Variants in PCIF1 observed in about 807,000 individuals in gnomAD.
PCIF1 encodes mRNA (2'-O-methyladenosine-N(6)-)-methyltransferase.
A neutral mutation model predicts 86.9 loss-of-function variants in PCIF1; 12 were observed. The observed-to-expected ratio is 0.14, with a 90% CI of 0.09 to 0.22. PCIF1 has a LOEUF of 0.22. Ranked by LOEUF, PCIF1 falls within the 10% of genes least tolerant of loss-of-function variation. The pLI, the probability that PCIF1 is intolerant of heterozygous loss-of-function variation, is 1.00. For synonymous variants in PCIF1, 397 were observed against 372.0 expected (o/e 1.07, Z -0.77); for missense variants, 701 against 951.1 (o/e 0.74, Z 3.46).
rs537853204 is a variant in PCIF1 at position 45,940,797 on chromosome 20, C to T, written c.388-12C>T. The T allele has an allele frequency of 1.2e-6, 2 of 1,611,736 alleles. No homozygotes were observed. Among genetic ancestry groups the T allele is most frequent in the Admixed American group, 1.7e-5 (1 of 59,796 alleles). On this transcript the variant is annotated splice_polypyrimidine_tract_variant and intron_variant, in intron 5 of 16. Coordinates refer to ENST00000372409, the MANE Select transcript of PCIF1 (RefSeq NM_022104.4). ...ATCTCCTGACTTGACACCTTTGTGA[C>T]TTTCACTACAGATTGAAATCCCAGT...
chr20:45,947,289 C>T lies in PCIF1; in HGVS notation c.1734C>T (p.Pro578=). The stretch of plus-strand genomic sequence containing the variant: ...GACTGCTTGAGAGCTCACCGGAGCC[C>T]CTGTCCTTCATCGTGTTCATCCCTG... ...FERLLESSPE[P]LSFIVFIPEW... Residue 578 remains proline (P), a synonymous_variant, in exon 16 of 17, where the codon CCC becomes CCT. Coordinates refer to ENST00000372409, the MANE Select transcript of PCIF1 (RefSeq NM_022104.4). This position sits in a 1 kb window ranked among gnomAD's most constrained non-coding sequence, Gnocchi z 5.4. The T allele has an allele frequency of 6.2e-7, 1 of 1,613,730 alleles. No individual in the cohort carries two copies. The highest frequency in any genetic ancestry group is 8.5e-7 in the Non-Finnish European group (1 of 1,179,724).
At chr20:45,945,202 A>C (rs1055656504) in intron 11 of PCIF1, among the ~76,000 whole-genome samples, 172 bp downstream of exon 11, 6 of 152,196 alleles carry the variant, frequency 3.9e-5, no homozygotes, top group Admixed American at 1.3e-4. Flanking sequence ...GGAGAGCCAG[A>C]TGGTGGTGGT....
Position 45,946,258 on chromosome 20 carries a change from A to C in PCIF1, c.1487A>C (p.His496Pro). The change falls in exon 14 of 17, where the codon CAT becomes CCT. Residue 496 changes from histidine to proline, a missense_variant. By Grantham distance (77) the His-to-Pro change is moderately conservative (BLOSUM62 -2). Transcript: ENST00000372409. ...GGCCTGCAGGGATCGCTGCCTGTGC[A>C]TGTCTTTGAGGCCCTCCACCGACTC... is the stretch of plus-strand genomic sequence containing the variant. Reference protein sequence around the residue: ...GTGLQGSLPVHVFEALHRLFG... With the variant: ...GTGLQGSLPVPVFEALHRLFG... 1 of 1,614,158 alleles carries C rather than the reference A, an allele frequency of 6.2e-7. No individual in the cohort carries two copies. Among genetic ancestry groups the C allele is most frequent in the Non-Finnish European group, 8.5e-7 (1 of 1,180,028 alleles).
chr20:45,947,328 C>G lies in PCIF1; in HGVS notation c.1773C>G (p.Pro591=). 1 of 1,614,026 alleles carries G rather than the reference C, an allele frequency of 6.2e-7. No individual in the cohort carries two copies. Among genetic ancestry groups the G allele is most frequent in the South Asian group, 1.1e-5 (1 of 91,082 alleles). ...TGTTCATCCCTGAGTGGCGGGAACC[C>G]CCAACACCAGCGCTCACCCGCATGG... The part of the protein sequence containing the change: ...FIVFIPEWRE[P]PTPALTRMEQ... The change falls in exon 16 of 17, where the codon CCC becomes CCG. Residue 591 remains proline, a synonymous_variant. Transcript: ENST00000372409. The surrounding 1 kb of genome is among the most constrained non-coding windows in gnomAD (Gnocchi z 5.4).
chr20:45,939,553 G>T (rs75381651), intron 4 of PCIF1, among the ~76,000 whole-genome samples: 1 of 152,252 alleles, frequency 6.6e-6, no homozygotes, highest in African/African-American at 2.4e-5. Context: ...GCTGCTGCAC[G>T]GTGGGTGCTG....
At chr20:45,935,054 G>A (rs550265003) in intron 1 of PCIF1, among the ~76,000 whole-genome samples, 14 of 151,904 alleles carry the variant, frequency 9.2e-5, no homozygotes, top group Non-Finnish European at 1.5e-4. Context: ...CACCGCCTTT[G>A]TGTCGGGCTC....
chr20:45,943,590 CA>C lies in PCIF1; in HGVS notation c.906-75del. 1 of 1,427,972 alleles carries C rather than the reference CA, an allele frequency of 7.0e-7. No individual in the cohort carries two copies. Among genetic ancestry groups the C allele is most frequent in the Non-Finnish European group, 9.6e-7 (1 of 1,038,108 alleles). The allele number at this position is 1,427,972 out of a possible 1,614,324, so 88.5% of individuals were successfully genotyped here. A position where few individuals can be genotyped will look rare whatever the true frequency, so the allele number is the denominator to read the frequency against. On this transcript the variant is annotated intron_variant, in intron 9 of 16. Transcript: ENST00000372409. This position sits in a 1 kb window ranked among gnomAD's most constrained non-coding sequence, Gnocchi z 5.5. The stretch of plus-strand genomic sequence containing the variant: ...GTGATGGAAGCTAGGGGTTGATACC[CA>C]GCGAGCCCATGGAATTGGGATGAGG...
At chr20:45,939,409 C>T in intron 4 of PCIF1, 70 bp downstream of exon 4, 1 of 1,596,786 alleles carries the variant, frequency 6.3e-7, no homozygotes, top group Non-Finnish European at 8.5e-7. Context: ...CAAATGTACC[C>T]TGAGCAGCCG....
rs115906516 is a variant in PCIF1 at position 45,940,571 on chromosome 20, T to C, written c.346T>C (p.Ser116Pro). ...GAACAAGCCCAGAAAGCGGCAGCTC[T>C]CGGAAGAGCAGCCAAGCGGCAATGG... ...AENKPRKRQL[S>P]EEQPSGNGVK... Residue 116 changes from serine to proline, a missense_variant, in exon 5 of 17, where the codon TCG becomes CCG. Physicochemically the swap from Ser to Pro is moderately conservative, Grantham distance 74 (BLOSUM62 -1). Around this residue, in one of 7 missense-constraint regions of PCIF1, gnomAD observed 125 missense variants for 126.8 expected, o/e 0.99. Coordinates refer to ENST00000372409, the MANE Select transcript of PCIF1 (RefSeq NM_022104.4). The C allele has an allele frequency of 5.3e-4, 849 of 1,610,066 alleles. 4 individuals carry two copies. The African/African-American group carries it at 9.9e-3, about 19-fold the overall frequency.
At position 45,934,691 on chromosome 20, in the gene PCIF1, CCG is replaced by C. The variant is rs2083398595; in HGVS notation, c.-300_-299del. On this transcript the variant is annotated 5_prime_UTR_variant, in exon 1 of 17. Transcript: ENST00000372409. ...ACCAGCGCATGCGCAGCGCGGAGTC[CCG>C]GCCCGGGACACAAGATGGCGGCAGC... is the stretch of plus-strand genomic sequence containing the variant. The C allele has an allele frequency of 7.5e-6, 3 of 398,578 alleles. No homozygotes were observed. Among genetic ancestry groups the C allele is most frequent in the Middle Eastern group, 6.3e-4 (1 of 1,588 alleles). 24.7% of individuals were successfully genotyped at this position (398,578 alleles called of 1,614,324 possible).
intron 11 of PCIF1, 51 bp downstream of exon 11, chr20:45,945,081 C>T: frequency 1.3e-6 from 2 of 1,523,808 alleles, no homozygotes; most frequent in East Asian, 2.4e-5. Context: ...AGCTCTATAC[C>T]CTGATGGAAG....
rs1299872365 is a variant in PCIF1 at position 45,943,316 on chromosome 20, A to G, written c.822-24A>G. The G allele has an allele frequency of 1.2e-6, 2 of 1,613,934 alleles. No homozygotes were observed. Among genetic ancestry groups the G allele is most frequent in the Non-Finnish European group, 1.7e-6 (2 of 1,179,830 alleles). ...GCCCAGTCATGTATAGAAGGCCTCTAACTCTGCCCACTCTGAAACGCAGGT... is the reference window on the plus strand; with the variant it reads ...GCCCAGTCATGTATAGAAGGCCTCTGACTCTGCCCACTCTGAAACGCAGGT... On this transcript the variant is annotated intron_variant, in intron 8 of 16. Coordinates refer to ENST00000372409, the MANE Select transcript of PCIF1 (RefSeq NM_022104.4). This position sits in a 1 kb window ranked among gnomAD's most constrained non-coding sequence, Gnocchi z 5.5.
chr20:45,944,918 A>G lies in PCIF1; in HGVS notation c.1056A>G (p.Ala352=), dbSNP rs1228974433. 1.2e-6 allele frequency: 2 copies of G among 1,614,148 alleles called. No homozygotes were observed. The highest frequency in any genetic ancestry group is 1.7e-5 in the Admixed American group (1 of 60,020). Residue 352 remains alanine, a synonymous_variant, in exon 11 of 17, where the codon GCA becomes GCG. Transcript: ENST00000372409. ...AGTGTGGCCCCCACGTCTCGGCCGCAGCCAAGGACTCCGTGGAAGGCATCT... is the reference window on the plus strand; with the variant it reads ...AGTGTGGCCCCCACGTCTCGGCCGCGGCCAAGGACTCCGTGGAAGGCATCT... The part of the protein sequence containing the change: ...RRQCGPHVSA[A]AKDSVEGICS...
In PCIF1 at chr20:45,943,026, C is replaced by T; in HGVS notation, c.674-71C>T. The T allele has an allele frequency of 6.7e-7, 1 of 1,494,768 alleles. No individual in the cohort carries two copies. Among genetic ancestry groups the T allele is most frequent in the Non-Finnish European group, 9.2e-7 (1 of 1,091,342 alleles). 92.6% of individuals were successfully genotyped at this position (1,494,768 alleles called of 1,614,324 possible). ...TGCTTACTGCTGAATGCGATGCTTC[C>T]TATACGTGCCAAGCTCCAAGTGGGA... On this transcript the variant is annotated intron_variant, in intron 7 of 16. Transcript: ENST00000372409. The surrounding 1 kb of genome is among the most constrained non-coding windows in gnomAD (Gnocchi z 5.5).
rs1427893672 is a variant in PCIF1, at chr20:45,946,077, T to C, written c.1390T>C (p.Phe464Leu). 1 of 1,614,178 alleles carries C rather than the reference T, an allele frequency of 6.2e-7. No individual in the cohort carries two copies. The highest frequency in any genetic ancestry group is 1.1e-5 in the South Asian group (1 of 91,088). Residue 464 changes from phenylalanine to leucine, a missense_variant, in exon 13 of 17, where the codon TTC becomes CTC. Coordinates refer to ENST00000372409, the MANE Select transcript of PCIF1 (RefSeq NM_022104.4). ...CATTGATGACTCTGCCTTTGAGAGG[T>C]TCCTGCCCCGGGTCTGGTGTCTTCT... ...SCIDDSAFER[F>L]LPRVWCLLRR...
At position 45,947,316 on chromosome 20, in the gene PCIF1, G is replaced by C; in HGVS notation, c.1761G>C (p.Glu587Asp). 6.2e-7 allele frequency: 1 copy of C among 1,614,090 alleles called. No homozygotes were observed. The change falls in exon 16 of 17, where the codon GAG (glutamate) becomes GAC (aspartate). Residue 587 changes from glutamate (E) to aspartate (D), a missense_variant. Coordinates refer to ENST00000372409, the MANE Select transcript of PCIF1 (RefSeq NM_022104.4). This position sits in a 1 kb window ranked among gnomAD's most constrained non-coding sequence, Gnocchi z 5.4. ...EPLSFIVFIP[E>D]WREPPTPALT... ...TGTCCTTCATCGTGTTCATCCCTGA[G>C]TGGCGGGAACCCCCAACACCAGCGC...
intron 2 of PCIF1, 35 bp from the exon 3 acceptor site, chr20:45,938,946 G>A (rs1025853913): frequency 6.2e-7 from 1 of 1,606,870 alleles, no homozygotes; most frequent in Non-Finnish European, 8.5e-7. Flanking sequence ...GGGTGAGGGG[G>A]TGGAGCTGAC....
intron 10 of PCIF1, 28 bp from the exon 11 acceptor site, chr20:45,944,840 G>C (rs1441337260): frequency 6.3e-7 from 1 of 1,599,730 alleles, no homozygotes; most frequent in African/African-American, 1.3e-5. Flanking sequence ...GCCTCCACTA[G>C]CGCCCTGATC....
At chr20:45,937,746 A>G (rs191974185) in intron 2 of PCIF1, 161 bp downstream of exon 2, 480 of 396,520 alleles carry the variant, frequency 1.2e-3, no homozygotes, top group African/African-American at 8.6e-3. Context: ...TTTGTTGTAC[A>G]TATGTCCTGT....
Sources: gnomAD v4.1 joint callset for allele counts (sites outside exome capture counted in the v4.1 genomes callset) on GRCh38, gnomAD v4.1.1 for gene constraint, gnomAD v4.1.1 regional missense constraint, Gnocchi (gnomAD v3.1) non-coding constraint, MANE v1.5 for transcripts, NCBI Gene and HGNC (gene_info 2026-07-23, HGNC 2026-07-21) for gene names.